VWF: variants seen among roughly 807,000 people sequenced by gnomAD.
VWF encodes the protein Factor VIII related antigen.
A neutral mutation model predicts 308.6 loss-of-function variants in VWF; 176 were observed. The observed-to-expected ratio is 0.57, with a 90% confidence interval of 0.50 to 0.65. VWF has a LOEUF of 0.65. Ranked by LOEUF, VWF falls within the 30% of genes least tolerant of loss-of-function variation. The pLI, the probability that VWF is intolerant of heterozygous loss-of-function variation, is 0.00. For synonymous variants in VWF, 1,385 were observed against 1,443.4 expected, an observed-to-expected ratio of 0.96 and a Z score of 0.92; for missense variants, 3,146 against 3,648.2, an observed-to-expected ratio of 0.86 and a Z score of 3.55.
rs1945449730 is a variant in VWF at position 6,123,184 on chromosome 12, T to C, written c.13A>G (p.Arg5Gly). 2 of 1,614,234 alleles carry C rather than the reference T, an allele frequency of 1.2e-6. No homozygotes were observed. Among genetic ancestry groups the C allele is most frequent in the Non-Finnish European group, 1.7e-6 (2 of 1,180,046 alleles). The change falls in exon 2 of 52, where the codon AGA (arginine) becomes GGA (glycine). Residue 5 changes from arginine (R) to glycine (G), a missense_variant. By Grantham distance (125) the Arg-to-Gly change is moderately radical. Around this residue, in one of 3 missense-constraint regions of VWF, gnomAD observed 1,304 missense variants for 1,353.0 expected, o/e 0.96. Coordinates refer to ENST00000261405, the MANE Select transcript of VWF (RefSeq NM_000552.5). The stretch of plus-strand genomic sequence containing the variant: ...AGAGCAAGCAGCACCCCGGCAAATC[T>C]GGCAGGAATCATCTGCAAAGAAGCA... Reference protein sequence around the residue: MIPARFAGVLLALAL... With the variant: MIPAGFAGVLLALAL...
At chr12:6,115,626 T>C (rs1382197457) in intron 3 of VWF, among the ~76,000 whole-genome samples, 1 of 152,194 alleles carries the variant, frequency 6.6e-6, no homozygotes, top group Non-Finnish European at 1.5e-5. Context: ...ATGACTCAGT[T>C]CAGAAAACAA....
chr12:5,954,407 C>T (rs1207986321), intron 47 of VWF, among the ~76,000 whole-genome samples: 2 of 152,054 alleles, frequency 1.3e-5, no homozygotes, highest in Non-Finnish European at 2.9e-5. Context: ...TGGAAGAAGA[C>T]CAAAATCAAG....
chr12:6,094,794 C>T (rs1464190572), intron 6 of VWF, among the ~76,000 whole-genome samples: 2 of 151,856 alleles, frequency 1.3e-5, no homozygotes, highest in African/African-American at 4.8e-5. Context: ...TTCACTGAAA[C>T]CTCCACCTCC....
intron 20 of VWF, among the ~76,000 whole-genome samples, chr12:6,032,917 TACAC>T (rs533704459): frequency 1.3e-5 from 2 of 148,296 alleles, no homozygotes; most frequent in East Asian, 4.0e-4. Flanking sequence ...CACGTAGCCA[TACAC>T]ACACACGCGC....
chr12:5,985,786 G>A, intron 38 of VWF, 121 bp from the exon 39 acceptor site: 1 of 900,484 alleles, frequency 1.1e-6, no homozygotes, highest in African/African-American at 1.6e-5. Context: ...CCCTCTGACA[G>A]AGCCTCACAG....
intron 5 of VWF, among the ~76,000 whole-genome samples, chr12:6,097,128 A>T (rs1945112574): frequency 6.6e-6 from 1 of 152,110 alleles, no homozygotes; most frequent in African/African-American, 2.4e-5. Context: ...AAATGCAATC[A>T]CCTGTATCCT....
chr12:5,974,150 C>T (rs553161564), intron 43 of VWF, among the ~76,000 whole-genome samples: 1 of 152,232 alleles, frequency 6.6e-6, no homozygotes, highest in East Asian at 1.9e-4. Flanking sequence ...TGAGGTCGGA[C>T]CAGAGCTAAT....
intron 34 of VWF, among the ~76,000 whole-genome samples, chr12:6,009,239 CAAA>C (rs4021588): frequency 8.0e-6 from 1 of 125,588 alleles, no homozygotes. Context: ...AACTCAATAG[CAAA>C]AAAAAAAAAA....
intron 38 of VWF, among the ~76,000 whole-genome samples, chr12:5,991,165 T>TCA (rs1491373493): frequency 3.1e-4 from 27 of 88,224 alleles, no homozygotes; most frequent in African/African-American, 9.0e-4. Flanking sequence ...CCCAAGGGAT[T>TCA]CTCACACACA....
At chr12:6,103,387 T>TGTGTGTATACACGTGTGTGTATACACAC (rs1371892895) in intron 5 of VWF, among the ~76,000 whole-genome samples, 3 of 138,842 alleles carry the variant, frequency 2.2e-5, no homozygotes, top group East Asian at 4.0e-4. Flanking sequence ...TGTATACACG[T>TGTGTGTATACACGTGTGTGTATACACAC]GTGTGTATAC....
chr12:6,004,919 A>G (rs149135577), intron 34 of VWF, among the ~76,000 whole-genome samples: 34 of 152,298 alleles, frequency 2.2e-4, no homozygotes, highest in African/African-American at 8.2e-4. Context: ...GAAGACAGAC[A>G]AGTCAGCTTG....
chr12:6,051,842 G>A (rs145123714), intron 16 of VWF, among the ~76,000 whole-genome samples: 86 of 152,086 alleles, frequency 5.7e-4, no homozygotes, highest in African/African-American at 1.9e-3. Flanking sequence ...AAACTCCCAG[G>A]CTCAAGCATT....
intron 6 of VWF, among the ~76,000 whole-genome samples, chr12:6,094,237 G>T (rs1945080146): frequency 6.6e-6 from 1 of 152,228 alleles, no homozygotes. Context: ...AAGCCATTGA[G>T]TATGAGATAA....
chr12:6,065,336 A>G, intron 10 of VWF, 63 bp from the exon 11 acceptor site: 1 of 1,604,458 alleles, frequency 6.2e-7, no homozygotes, highest in Non-Finnish European at 8.5e-7. Context: ...GGGGTGGCCA[A>G]GGTGGAATGC....
chr12:5,963,961 A>G (rs1050178338), intron 47 of VWF, among the ~76,000 whole-genome samples: 1 of 152,220 alleles, frequency 6.6e-6, no homozygotes, highest in Non-Finnish European at 1.5e-5. Flanking sequence ...TAATCCCAGC[A>G]CTTTGGGAGG....
intron 22 of VWF, among the ~76,000 whole-genome samples, chr12:6,028,771 G>A (rs1944223059): frequency 6.6e-6 from 1 of 152,108 alleles, no homozygotes; most frequent in Non-Finnish European, 1.5e-5. Flanking sequence ...CACTAAACAT[G>A]GAAAGAAACA....
intron 18 of VWF, 87 bp from the exon 19 acceptor site, chr12:6,036,578 G>T: frequency 7.8e-7 from 1 of 1,282,996 alleles, no homozygotes; most frequent in Non-Finnish European, 1.1e-6. Flanking sequence ...TGTTGTCTGA[G>T]ACTTGAGCCT....
intron 6 of VWF, among the ~76,000 whole-genome samples, chr12:6,083,930 C>T (rs3819537): frequency 0.77 from 116,759 of 152,112 alleles, 45,609 homozygotes; most frequent in African/African-American, 0.92. Context: ...AAGCTTGAGC[C>T]GGCGTTTTGG....
Position 6,031,458 on chromosome 12 carries a change from G to A in VWF, c.2806C>T (p.Leu936=). The change falls in exon 21 of 52, where the codon CTG becomes TTG. Residue 936 remains leucine (L), a synonymous_variant. Transcript: ENST00000261405. ...TILVEGGEIE[L]FDGEVNVKRP... ...GCTGCACTTACCTCCCCGTCAAACA[G>A]CTCAATCTCTCCTCCCTCCACCAGG... The A allele has an allele frequency of 6.2e-7, 1 of 1,614,182 alleles. No homozygotes were observed. The highest frequency in any genetic ancestry group is 1.7e-5 in the Admixed American group (1 of 60,022).
Sources: allele counts gnomAD v4.1 joint callset (sites outside exome capture counted in the v4.1 genomes callset), GRCh38; gene constraint gnomAD v4.1.1; regional missense constraint gnomAD v4.1.1; transcripts MANE v1.5; gene names NCBI Gene and HGNC (gene_info 2026-07-23, HGNC 2026-07-21).